ASB9: variants seen among roughly 807,000 people sequenced by gnomAD.
ASB9 encodes the protein ankyrin repeat and SOCS box protein 9.
Under a neutral mutation model 16.6 loss-of-function variants are expected in ASB9, and 5 were observed. The observed-to-expected ratio is 0.30, with a 90% CI of 0.16 to 0.63. The LOEUF is 0.63. Ranked by LOEUF, ASB9 falls within the 30% of genes least tolerant of loss-of-function variation. The pLI is 0.82. For synonymous variants in ASB9, 100 were observed against 86.4 expected (o/e 1.16, Z -0.87); for missense variants, 216 against 229.4 (o/e 0.94, Z 0.38).
chrX:15,254,615 G>A, intron 3 of ASB9, 122 bp downstream of exon 3: 1 of 562,586 alleles, frequency 1.8e-6, no homozygotes, highest in East Asian at 3.3e-5. Flanking sequence ...TAATTTTCTT[G>A]AAAAACAACT....
chrX:15,267,445 T>A (rs1036298798), intron 1 of ASB9, among the ~76,000 whole-genome samples: 1,010 of 56,453 alleles, frequency 0.018, no homozygotes, highest in African/African-American at 0.058. Flanking sequence ...ATTATATATA[T>A]AATTCCTTGT....
Position 15,269,790 on chromosome X carries a change from A to C in ASB9, c.85T>G (p.Leu29Val). 8.3e-7 allele frequency: 1 copy of C among 1,206,655 alleles called. No individual in the cohort carries two copies. The highest frequency in any genetic ancestry group is 1.7e-5 in the African/African-American group (1 of 57,540). ...FPGIRLLSNP[L>V]MGDAVSDWSP... is the part of the protein sequence containing the mutation. ...TGCCCCTATGACTCACCGCCCATCA[A>C]TGGGTTTGAAAGAAGCCTGATGCCA... The change falls in exon 1 of 7, where the codon TTG (leucine) becomes GTG (valine). Residue 29 changes from leucine (L) to valine (V), a missense_variant. Physicochemically the swap from Leu to Val is conservative, Grantham distance 32 (BLOSUM62 1). Coordinates refer to ENST00000380488, the MANE Select transcript of ASB9 (RefSeq NM_001031739.3).
intron 5 of ASB9, among the ~76,000 whole-genome samples, chrX:15,249,468 T>C (rs1243315093): frequency 7.1e-5 from 8 of 112,319 alleles, no homozygotes; most frequent in Non-Finnish European, 1.5e-4. Flanking sequence ...GGTGGCAAAG[T>C]TCTCCCTTTC....
chrX:15,267,425 T>TTTAAAAAAAAAAAA (rs377056337), intron 1 of ASB9, among the ~76,000 whole-genome samples: 19 of 87,578 alleles, frequency 2.2e-4, no homozygotes, highest in South Asian at 5.7e-4. Context: ...AAAATATATA[T>TTTAAAAAAAAAAAA]ATATATATAA....
chrX:15,249,763 G>C (rs1015293467), intron 5 of ASB9, among the ~76,000 whole-genome samples: 17 of 112,092 alleles, frequency 1.5e-4, no homozygotes, highest in Non-Finnish European at 7.5e-5. Flanking sequence ...GGTGGGCAGT[G>C]GGGGAGAGAC....
chrX:15,245,167 A>C (rs2147623002), intron 6 of ASB9, among the ~76,000 whole-genome samples: 1 of 111,886 alleles, frequency 8.9e-6, no homozygotes, highest in African/African-American at 3.2e-5. Context: ...ACTAGCTAGC[A>C]CAAACCTTGC....
At chrX:15,248,279 C>A (rs1339989099) in intron 6 of ASB9, among the ~76,000 whole-genome samples, 2 of 99,846 alleles carry the variant, frequency 2.0e-5, no homozygotes, top group Non-Finnish European at 4.4e-5. Context: ...TAGTAAATAT[C>A]TTTGGATTGG....
chrX:15,254,954 G>A, intron 2 of ASB9, 110 bp from the exon 3 acceptor site: 1 of 541,043 alleles, frequency 1.8e-6, no homozygotes. Flanking sequence ...CTCAAAGTCA[G>A]ATGTTACACT....
At chrX:15,258,484 A>G (rs1925743468) in intron 2 of ASB9, among the ~76,000 whole-genome samples, 1 of 111,823 alleles carries the variant, frequency 8.9e-6, no homozygotes, top group African/African-American at 3.2e-5. Flanking sequence ...TTTAGAAATT[A>G]TTTTCTTATA....
intron 2 of ASB9, among the ~76,000 whole-genome samples, chrX:15,257,779 T>C (rs145199695): frequency 7.1e-5 from 8 of 112,479 alleles, no homozygotes; most frequent in East Asian, 2.8e-4. Context: ...CTACGCTTAG[T>C]TGACAAAATG....
chrX:15,258,984 G>A (rs1400090193), intron 1 of ASB9, 39 bp from the exon 2 acceptor site: 2 of 1,058,797 alleles, frequency 1.9e-6, no homozygotes, highest in Non-Finnish European at 2.6e-6. Flanking sequence ...TCCTGCTAAT[G>A]CACTTAGACC....
At chrX:15,255,998 C>T (rs1160506350) in intron 2 of ASB9, among the ~76,000 whole-genome samples, 1 of 110,869 alleles carries the variant, frequency 9.0e-6, no homozygotes. Flanking sequence ...AATTGTTTTT[C>T]TTAGATTTCC....
In ASB9 at chrX:15,254,747, T is replaced by C; in HGVS notation, c.272A>G (p.His91Arg). 1 of 1,207,528 alleles carries C rather than the reference T, an allele frequency of 8.3e-7. No homozygotes were observed. ...TTCAGCTGCCCTTACCTGAGCTCCATGCTTTAATAAAATCTTCACACAAGA... is the reference window on the plus strand; with the variant it reads ...TTCAGCTGCCCTTACCTGAGCTCCACGCTTTAATAAAATCTTCACACAAGA... ...HLSCVKILLKHGAQVNGVTAD... is the reference protein window; with the variant it reads ...HLSCVKILLKRGAQVNGVTAD... The change falls in exon 3 of 7, where the codon CAT (histidine) becomes CGT (arginine). Residue 91 changes from histidine to arginine, a missense_variant. Transcript: ENST00000380488.
At chrX:15,251,209 A>C (rs1240341097) in intron 4 of ASB9, among the ~76,000 whole-genome samples, 2 of 111,776 alleles carry the variant, frequency 1.8e-5, no homozygotes, top group Non-Finnish European at 3.8e-5. Context: ...CTTGGGAGAG[A>C]TATGGAGGAA....
chrX:15,263,623 C>A (rs1441981568), intron 1 of ASB9, among the ~76,000 whole-genome samples: 2 of 108,408 alleles, frequency 1.8e-5, no homozygotes, highest in African/African-American at 6.8e-5. Context: ...TATAAAGCTG[C>A]CTTCTCCAAA....
In ASB9 at chrX:15,252,329, A is replaced by G; in HGVS notation, c.358T>C (p.Leu120=). The G allele has an allele frequency of 8.3e-7, 1 of 1,211,417 alleles. No homozygotes were observed. Among genetic ancestry groups the G allele is most frequent in the East Asian group, 3.0e-5 (1 of 33,836 alleles). Residue 120 remains leucine, a synonymous_variant, in exon 4 of 7, where the codon TTG becomes CTG. Coordinates refer to ENST00000380488, the MANE Select transcript of ASB9 (RefSeq NM_001031739.3). The part of the protein sequence containing the change: ...CVSGSWDCVN[L]LLQHGASVQP... ...ACGCTGGCTCCGTGCTGCAGAAGCA[A>G]ATTCACACAATCCCAGCTGCCGCTG...
intron 4 of ASB9, among the ~76,000 whole-genome samples, 196 bp from the exon 5 acceptor site, chrX:15,250,760 C>T (rs1159554195): frequency 8.9e-6 from 1 of 111,896 alleles, no homozygotes; most frequent in Non-Finnish European, 1.9e-5. Context: ...CTCGCTCTGT[C>T]CCCCAGGCTG....
intron 1 of ASB9, among the ~76,000 whole-genome samples, chrX:15,267,553 G>T (rs1177417634): frequency 2.4e-5 from 2 of 83,498 alleles, no homozygotes; most frequent in Non-Finnish European, 4.5e-5. Flanking sequence ...GACCATCCTG[G>T]CTAACATGGT....
intron 1 of ASB9, among the ~76,000 whole-genome samples, chrX:15,267,445 T>TATTTAA (rs1555934658): frequency 0.012 from 691 of 55,343 alleles, no homozygotes; most frequent in East Asian, 0.038. Flanking sequence ...ATTATATATA[T>TATTTAA]AATTCCTTGT....
Sources: allele counts gnomAD v4.1 joint callset (sites outside exome capture counted in the v4.1 genomes callset), GRCh38; gene constraint gnomAD v4.1.1; transcripts MANE v1.5; gene names NCBI Gene and HGNC (gene_info 2026-07-23, HGNC 2026-07-21).